The following DPP10 variants were observed in gnomAD, a reference collection of about 807,000 sequenced individuals.
DPP10 encodes the protein dipeptidyl peptidase like 10.
DPP10 carries 33 observed loss-of-function variants against 120.9 expected under a neutral mutation model. The ratio of observed to expected loss-of-function variants is 0.27; its 90% CI spans 0.21 to 0.37. The LOEUF (loss-of-function observed/expected upper bound fraction) is 0.37, where lower values mean the gene tolerates loss of function less well. DPP10 is among the 10% of genes least tolerant of loss of function. The pLI, the probability that DPP10 is intolerant of heterozygous loss-of-function variation, is 1.00. For synonymous variants in DPP10, 337 were observed against 326.1 expected (o/e 1.03, Z -0.36); for missense variants, 816 against 942.8 (o/e 0.87, Z 1.76).
chr2:115,119,405 AAGAC>A lies in DPP10; in HGVS notation c.61-189830_61-189827del, dbSNP rs561823808. Among the ~76,000 whole-genome samples, 8 of 152,272 alleles carry A rather than the reference AAGAC, an allele frequency of 5.3e-5. No individual in the cohort carries two copies. In the South Asian group the frequency reaches 1.7e-3, roughly 32 times the overall value. ...GGCTGTGGCCAATTATTGTTTTAGC[AAGAC>A]AGATTAACAACCACTTGATCATCAC... On this transcript the variant is annotated intron_variant, in intron 1 of 25. Transcript: ENST00000410059.
At chr2:115,019,096 G>A (rs928916184) in intron 1 of DPP10, among the ~76,000 whole-genome samples, 4 of 149,846 alleles carry the variant, frequency 2.7e-5, no homozygotes, top group South Asian at 2.2e-4. Context: ...CTGCCACTCA[G>A]CTTCACCGAC....
chr2:115,430,517 C>T (rs1014982139), intron 3 of DPP10, among the ~76,000 whole-genome samples: 5 of 151,896 alleles, frequency 3.3e-5, no homozygotes, highest in Admixed American at 6.6e-5. Context: ...TGTCTTTGTC[C>T]GTCAAAGTAT....
At position 114,858,343 on chromosome 2, in the gene DPP10, G is replaced by A. The variant is rs931451749; in HGVS notation, c.60+415505G>A. Among the ~76,000 whole-genome samples, 3 of 152,266 alleles carry A rather than the reference G, an allele frequency of 2.0e-5. No homozygotes were observed. The East Asian group carries it at 5.8e-4, about 29-fold the overall frequency. On this transcript the variant is annotated intron_variant, in intron 1 of 25. Transcript: ENST00000410059. ...TCATATATAGAGTGAGGGTAAGGAT[G>A]TCTAATTTTTTGCCTCTGTAACAAT...
chr2:115,118,318 A>G (rs1034615729), intron 1 of DPP10, among the ~76,000 whole-genome samples: 23 of 152,224 alleles, frequency 1.5e-4, no homozygotes, highest in Admixed American at 5.9e-4. Context: ...AGTAATTTCT[A>G]TCACTATCGA....
chr2:114,752,049 A>G lies in DPP10; in HGVS notation c.60+309211A>G, dbSNP rs139616852. The stretch of plus-strand genomic sequence containing the variant: ...GCCCCAGTTACTAGTTCCTACCCCC[A>G]GAATTTATGAGGCAGTTGTCTGGGG... On this transcript the variant is annotated intron_variant, in intron 1 of 25. Transcript: ENST00000410059. 1.1e-3 allele frequency among the ~76,000 whole-genome samples: 171 copies of G among 152,272 alleles called. 2 individuals are homozygous for G. Among genetic ancestry groups the G allele is most frequent in the African/African-American group, 4.0e-3 (168 of 41,550 alleles).
intron 2 of DPP10, among the ~76,000 whole-genome samples, chr2:115,313,569 T>A (rs2061669350): frequency 6.6e-6 from 1 of 152,180 alleles, no homozygotes; most frequent in African/African-American, 2.4e-5. Context: ...AAGAAATGTT[T>A]TAGAAACTGT....
intron 3 of DPP10, among the ~76,000 whole-genome samples, chr2:115,420,207 A>G (rs1261528036): frequency 2.6e-5 from 4 of 152,164 alleles, no homozygotes; most frequent in Non-Finnish European, 5.9e-5. Flanking sequence ...TATCACTTTG[A>G]TAATCACTAT....
At chr2:114,989,304 A>G (rs1271825280) in intron 1 of DPP10, among the ~76,000 whole-genome samples, 1 of 152,142 alleles carries the variant, frequency 6.6e-6, no homozygotes, top group Non-Finnish European at 1.5e-5. Context: ...ACTTCCCGTA[A>G]CTTCATTCTC....
chr2:115,286,526 A>ATATATATAGATATAT (rs10675008), intron 1 of DPP10, among the ~76,000 whole-genome samples: 1 of 60,946 alleles, frequency 1.6e-5, no homozygotes, highest in East Asian at 5.8e-4. Flanking sequence ...ATATATATAT[A>ATATATATAGATATAT]ATATATATAT....
chr2:114,880,320 A>T (rs1691503334), intron 1 of DPP10, among the ~76,000 whole-genome samples: 1 of 152,170 alleles, frequency 6.6e-6, no homozygotes, highest in Admixed American at 6.6e-5. Context: ...CTACAGTGAC[A>T]GTAATCACAT....
Position 115,419,259 on chromosome 2 carries a change from T to C in DPP10, c.271+75347T>C, listed in dbSNP as rs545320841. ...GAATCCAGGCAAGAGACATACATTCTTGGATTCATCAGAACACAGATGTCA... is the reference window on the plus strand; with the variant it reads ...GAATCCAGGCAAGAGACATACATTCCTGGATTCATCAGAACACAGATGTCA... On this transcript the variant is annotated intron_variant, in intron 3 of 25. Transcript: ENST00000410059. Among the ~76,000 whole-genome samples the C allele has an allele frequency of 2.6e-5, 4 of 152,294 alleles. No individual in the cohort carries two copies. In the South Asian group the frequency reaches 8.3e-4, roughly 32 times the overall value.
chr2:115,207,411 T>A (rs1021442195), intron 1 of DPP10, among the ~76,000 whole-genome samples: 1 of 85,534 alleles, frequency 1.2e-5, no homozygotes, highest in African/African-American at 6.1e-5. Context: ...GAGTGCTTAC[T>A]GCACCAAAAA....
intron 1 of DPP10, among the ~76,000 whole-genome samples, chr2:115,076,679 A>G (rs949306554): frequency 1.3e-5 from 2 of 152,196 alleles, no homozygotes; most frequent in African/African-American, 4.8e-5. Context: ...AAAGGTTACT[A>G]ATTCATTCCA....
chr2:115,728,508 C>G (rs1290526095), intron 8 of DPP10, among the ~76,000 whole-genome samples: 2 of 152,112 alleles, frequency 1.3e-5, no homozygotes, highest in African/African-American at 4.8e-5. Flanking sequence ...TACCAATTAT[C>G]AGCTGAGTTC....
At chr2:114,789,911 A>G (rs1030836080) in intron 1 of DPP10, among the ~76,000 whole-genome samples, 2 of 152,224 alleles carry the variant, frequency 1.3e-5, no homozygotes, top group Non-Finnish European at 2.9e-5. Flanking sequence ...TGTTCTTGAC[A>G]TTATGAAATA....
At chr2:114,890,556 A>G (rs1239098080) in intron 1 of DPP10, among the ~76,000 whole-genome samples, 1 of 152,214 alleles carries the variant, frequency 6.6e-6, no homozygotes, top group Non-Finnish European at 1.5e-5. Flanking sequence ...CAACTTTTCA[A>G]ATTTTTATAA....
At chr2:115,794,562 C>T (rs975124119) in intron 19 of DPP10, among the ~76,000 whole-genome samples, 3 of 152,052 alleles carry the variant, frequency 2.0e-5, no homozygotes, top group Admixed American at 6.6e-5. Flanking sequence ...AATATTTTTA[C>T]TGTAGAATAT....
intron 1 of DPP10, among the ~76,000 whole-genome samples, chr2:114,761,717 C>A (rs1470689158): frequency 1.3e-5 from 2 of 152,192 alleles, no homozygotes; most frequent in East Asian, 3.9e-4. Flanking sequence ...TTTGAGCTCA[C>A]TGGCTCCTTA....
intron 7 of DPP10, among the ~76,000 whole-genome samples, chr2:115,703,113 GA>G (rs1291459975): frequency 2.0e-5 from 3 of 151,898 alleles, no homozygotes; most frequent in Non-Finnish European, 4.4e-5. Flanking sequence ...TTCACCTTTA[GA>G]AGGAAAAACA....
Sources: allele counts gnomAD v4.1 joint callset (sites outside exome capture counted in the v4.1 genomes callset), GRCh38; gene constraint gnomAD v4.1.1; transcripts MANE v1.5; gene names NCBI Gene and HGNC (gene_info 2026-07-23, HGNC 2026-07-21).